TCF12: variants seen among roughly 807,000 people sequenced by gnomAD.
The protein encoded by TCF12 is transcription factor 12.
A neutral mutation model predicts 86.0 loss-of-function variants in TCF12; 45 were observed. The ratio of observed to expected loss-of-function variants is 0.52; its 90% CI spans 0.41 to 0.67. The LOEUF (loss-of-function observed/expected upper bound fraction) is 0.67. TCF12 is among the 30% of genes least tolerant of loss of function. The pLI is 0.00. For missense variants in TCF12, 881 were observed against 859.9 expected (o/e 1.02, Z -0.31); for synonymous variants, 330 against 299.6 (o/e 1.10, Z -1.05).
At chr15:57,227,485 A>C (rs1165917951) in intron 8 of TCF12, among the ~76,000 whole-genome samples, 4 of 152,162 alleles carry the variant, frequency 2.6e-5, no homozygotes, top group African/African-American at 9.6e-5. Context: ...TTTAAGGATA[A>C]TTATGTAATC....
chr15:57,195,064 G>A (rs1486691338), intron 7 of TCF12, among the ~76,000 whole-genome samples: 1 of 152,018 alleles, frequency 6.6e-6, no homozygotes, highest in Admixed American at 6.5e-5. Context: ...CACTGTGCCT[G>A]GCTAATTTTT....
intron 3 of TCF12, among the ~76,000 whole-genome samples, chr15:57,038,305 G>C (rs1451263011): frequency 6.6e-6 from 1 of 152,046 alleles, no homozygotes; most frequent in Non-Finnish European, 1.5e-5. Context: ...GTGCCTGCCT[G>C]TGGTCCAAGC....
chr15:57,022,401 C>G (rs2065549438), intron 3 of TCF12, among the ~76,000 whole-genome samples: 2 of 152,164 alleles, frequency 1.3e-5, no homozygotes, highest in South Asian at 4.1e-4. Flanking sequence ...ATGAACTCAT[C>G]CTTTTTATGG....
chr15:57,054,549 A>G (rs1051014489), intron 3 of TCF12, among the ~76,000 whole-genome samples: 8 of 152,172 alleles, frequency 5.3e-5, no homozygotes, highest in African/African-American at 1.4e-4. Context: ...TCACAGAGCA[A>G]TGGGGTGTGT....
intron 13 of TCF12, among the ~76,000 whole-genome samples, chr15:57,246,526 G>A (rs1362711887): frequency 7.9e-6 from 1 of 126,234 alleles, no homozygotes; most frequent in Non-Finnish European, 1.8e-5. Context: ...GCAGTTCAGG[G>A]TACTACATGC....
At position 57,218,443 on chromosome 15, in the gene TCF12, A is replaced by G. The variant is rs1472578401; in HGVS notation, c.580-12709A>G. Among the ~76,000 whole-genome samples the G allele has an allele frequency of 2.0e-5, 3 of 152,224 alleles. No individual in the cohort carries two copies. The East Asian group carries it at 5.8e-4, about 29-fold the overall frequency. ...TAAGAGACACATGTTTTTGTAGACA[A>G]CTTTTAAAACCTTTTGACTTCGAAG... On this transcript the variant is annotated intron_variant, in intron 8 of 20. Transcript: ENST00000333725.
chr15:57,084,316 G>A (rs1434031425), intron 4 of TCF12, among the ~76,000 whole-genome samples: 11 of 152,104 alleles, frequency 7.2e-5, no homozygotes, highest in African/African-American at 2.7e-4. Flanking sequence ...TATGTGATAG[G>A]CAGATTTATG....
intron 19 of TCF12, among the ~76,000 whole-genome samples, chr15:57,277,669 G>T (rs539714736): frequency 1.3e-5 from 2 of 151,996 alleles, no homozygotes; most frequent in East Asian, 3.9e-4. Context: ...GGGCACAGTG[G>T]CTTATGCCTG....
At chr15:57,075,835 T>TTC (rs1555498795) in intron 4 of TCF12, among the ~76,000 whole-genome samples, 62 of 50,008 alleles carry the variant, frequency 1.2e-3, no homozygotes, top group African/African-American at 2.7e-3. Flanking sequence ...TCTCTCTCTC[T>TTC]TTTCTTTCTT....
intron 3 of TCF12, among the ~76,000 whole-genome samples, chr15:56,980,518 G>A (rs528897646): frequency 2.6e-4 from 40 of 152,246 alleles, no homozygotes; most frequent in Non-Finnish European, 4.9e-4. Flanking sequence ...CCAGAACTGT[G>A]AGCTAGTAAA....
intron 18 of TCF12, among the ~76,000 whole-genome samples, chr15:57,267,412 A>T (rs1331007162): frequency 6.6e-6 from 1 of 152,276 alleles, no homozygotes; most frequent in East Asian, 1.9e-4. Context: ...TTCAGAGACC[A>T]CTCTTTGGAG....
chr15:56,982,452 A>C (rs2062940829), intron 3 of TCF12, among the ~76,000 whole-genome samples: 1 of 152,186 alleles, frequency 6.6e-6, no homozygotes, highest in South Asian at 2.1e-4. Context: ...AAAAATCCAT[A>C]ATTATAGAAT....
At chr15:57,023,852 A>T (rs771866788) in intron 3 of TCF12, among the ~76,000 whole-genome samples, 1 of 152,120 alleles carries the variant, frequency 6.6e-6, no homozygotes, top group East Asian at 1.9e-4. Flanking sequence ...GTTGTAGGGG[A>T]TAGTTTTGGG....
chr15:57,091,256 A>G (rs76012277), intron 4 of TCF12, among the ~76,000 whole-genome samples: 320 of 152,272 alleles, frequency 2.1e-3, no homozygotes, highest in Non-Finnish European at 4.0e-3. Flanking sequence ...ATTCATTTCT[A>G]GCATATTGAT....
intron 3 of TCF12, among the ~76,000 whole-genome samples, chr15:57,022,507 A>C (rs1402126368): frequency 6.6e-6 from 1 of 152,242 alleles, no homozygotes. Context: ...TGCTATTGTG[A>C]ATAGTGCTGC....
chr15:57,209,015 C>A (rs559998439), intron 8 of TCF12, among the ~76,000 whole-genome samples: 9 of 152,288 alleles, frequency 5.9e-5, no homozygotes, highest in African/African-American at 2.2e-4. Flanking sequence ...TGCGGCCAGC[C>A]CAAAATGTTT....
intron 13 of TCF12, among the ~76,000 whole-genome samples, chr15:57,249,982 T>C (rs2060033148): frequency 6.6e-6 from 1 of 152,194 alleles, no homozygotes; most frequent in African/African-American, 2.4e-5. Flanking sequence ...GATGAATTAT[T>C]TTTTTATGCT....
intron 5 of TCF12, among the ~76,000 whole-genome samples, chr15:57,107,905 T>G (rs1419308933): frequency 1.3e-5 from 2 of 152,146 alleles, no homozygotes; most frequent in African/African-American, 4.8e-5. Flanking sequence ...AGGCCCTGTC[T>G]CAAAAATAAA....
At chr15:57,278,429 G>T (rs984698036) in intron 19 of TCF12, 1 of 152,132 alleles carries the variant, frequency 6.6e-6, no homozygotes, top group Non-Finnish European at 1.5e-5. Context: ...GGAGCATTCA[G>T]TGGTGGGGTT....
Sources: allele counts gnomAD v4.1 joint callset (sites outside exome capture counted in the v4.1 genomes callset), GRCh38; gene constraint gnomAD v4.1.1; transcripts MANE v1.5; gene names NCBI Gene and HGNC (gene_info 2026-07-23, HGNC 2026-07-21).